The following ZNF367 variants were observed in gnomAD, a reference collection of about 807,000 sequenced individuals.
ZNF367 encodes C2H2 zinc finger protein ZFF29.
In ZNF367, 11 loss-of-function variants were observed where a neutral mutation model predicts 31.8. The observed-to-expected ratio is 0.35, with a 90% CI of 0.22 to 0.57. The LOEUF (loss-of-function observed/expected upper bound fraction) is 0.57, where lower values mean the gene tolerates loss of function less well. ZNF367 is among the 20% of genes least tolerant of loss of function. The pLI, the probability that ZNF367 is intolerant of heterozygous loss-of-function variation, is 0.85. For missense variants in ZNF367, 353 were observed against 484.1 expected, an observed-to-expected ratio of 0.73 and a Z score of 2.54; for synonymous variants, 199 against 202.4, an observed-to-expected ratio of 0.98 and a Z score of 0.14.
At position 96,398,638 on chromosome 9, in the gene ZNF367, T is replaced by A. The variant is rs1197727618; in HGVS notation, c.421-324A>T. Among the ~76,000 whole-genome samples the A allele has an allele frequency of 3.3e-5, 5 of 152,126 alleles. 1 individual carries two copies. The highest frequency in any genetic ancestry group is 6.5e-5 in the Admixed American group (1 of 15,270). ...AAAAAATCAAGCAAAAACTGTCAGA[T>A]CAGCTTTGTCACAACTCCAGAAAAT... On this transcript the variant is annotated intron_variant, in intron 1 of 4. Transcript: ENST00000375256.
chr9:96,393,499 C>T lies in ZNF367; in HGVS notation c.692-963G>A, dbSNP rs369441496. Among the ~76,000 whole-genome samples, 312 of 151,082 alleles carry T rather than the reference C, an allele frequency of 2.1e-3. 11 individuals are homozygous for T. In the South Asian group the frequency reaches 0.063, roughly 30 times the overall value. ...TCGTGCCACTGTACTCCAGCCTGGG[C>T]GAAAAGTGAGACTCCATCTCAAAAC... On this transcript the variant is annotated intron_variant, in intron 3 of 4. Transcript: ENST00000375256.
rs1164672366 is a variant in ZNF367 at position 96,418,267 on chromosome 9, C to G, written c.-235G>C. On this transcript the variant is annotated 5_prime_UTR_variant, in exon 1 of 5. Transcript: ENST00000375256. ...CCTCCGCTCTTTGTACTCCGCAGCG[C>G]AGGCTGCAGGGGTGGGAAGCAGCGG... is the stretch of plus-strand genomic sequence containing the variant. 2.0e-6 allele frequency: 1 copy of G among 505,988 alleles called. No individual in the cohort carries two copies. The highest frequency in any genetic ancestry group is 2.0e-5 in the African/African-American group (1 of 50,634). The allele number at this position is 505,988 out of a possible 1,614,324, so 31.3% of individuals were successfully genotyped here.
At chr9:96,403,963 G>A (rs1457513387) in intron 1 of ZNF367, among the ~76,000 whole-genome samples, 1 of 152,146 alleles carries the variant, frequency 6.6e-6, no homozygotes, top group Non-Finnish European at 1.5e-5. Flanking sequence ...GGAGGCCAAG[G>A]TGGGTGGATT....
intron 1 of ZNF367, chr9:96,407,203 G>A (rs1831681598): frequency 1.4e-6 from 1 of 722,086 alleles, no homozygotes; most frequent in Non-Finnish European, 2.5e-6. Flanking sequence ...CGTGGCGTGG[G>A]CTTGTGGGTC....
intron 1 of ZNF367, among the ~76,000 whole-genome samples, chr9:96,414,768 G>A (rs1831796542): frequency 6.6e-6 from 1 of 151,938 alleles, no homozygotes. Flanking sequence ...GAGCCTCCGC[G>A]CCTGGCCACA....
chr9:96,404,314 G>A (rs1344804690), intron 1 of ZNF367, among the ~76,000 whole-genome samples: 1 of 152,020 alleles, frequency 6.6e-6, no homozygotes, highest in East Asian at 1.9e-4. Flanking sequence ...CAAAAACTTG[G>A]CCAGGCGCAG....
rs1831860359 is a variant in ZNF367 at position 96,418,070 on chromosome 9, G to A, written c.-38C>T. The A allele has an allele frequency of 3.0e-6, 4 of 1,337,248 alleles. No individual in the cohort carries two copies. Among genetic ancestry groups the A allele is most frequent in the Non-Finnish European group, 3.8e-6 (4 of 1,047,770 alleles). The allele number at this position is 1,337,248 out of a possible 1,614,324, so 82.8% of individuals were successfully genotyped here. ...CCCCCAGCTCCGGCGGCCCCGGGCC[G>A]CACTCCTGAGCACCGCTCTGCCCCT... On this transcript the variant is annotated 5_prime_UTR_variant, in exon 1 of 5. Transcript: ENST00000375256.
At chr9:96,401,090 G>T (rs1397149440) in intron 1 of ZNF367, among the ~76,000 whole-genome samples, 1 of 152,216 alleles carries the variant, frequency 6.6e-6, no homozygotes, top group South Asian at 2.1e-4. Flanking sequence ...TCCAAGTGTG[G>T]GGGTACACGC....
chr9:96,410,430 C>G (rs567823153), intron 1 of ZNF367, among the ~76,000 whole-genome samples: 1 of 147,976 alleles, frequency 6.8e-6, no homozygotes, highest in Non-Finnish European at 1.5e-5. Context: ...GGCGTGGTGG[C>G]GGGTGCCTGT....
At chr9:96,407,493 A>C in intron 1 of ZNF367, 1 of 1,291,092 alleles carries the variant, frequency 7.7e-7, no homozygotes, top group Non-Finnish European at 1.1e-6. Context: ...AGATGCATGA[A>C]AAGAAAAACA....
At chr9:96,416,271 A>G (rs1831829773) in intron 1 of ZNF367, among the ~76,000 whole-genome samples, 1 of 151,786 alleles carries the variant, frequency 6.6e-6, no homozygotes, top group Non-Finnish European at 1.5e-5. Context: ...TATTTTGAGT[A>G]AAGACGGGGT....
In ZNF367 at chr9:96,417,435, A is replaced by AG. The variant is rs1831846237; in HGVS notation, c.420+177dup. 1.9e-5 allele frequency among the ~76,000 whole-genome samples: 1 copy of AG among 53,906 alleles called. No homozygotes were observed. The highest frequency in any genetic ancestry group is 2.2e-4 in the African/African-American group (1 of 4,632). The allele number at this position is 53,906 out of a possible 152,430, so 35.4% of individuals were successfully genotyped here. A position where few individuals can be genotyped will look rare whatever the true frequency, so the allele number is the denominator to read the frequency against. On this transcript the variant is annotated intron_variant, in intron 1 of 4. Transcript: ENST00000375256. This position sits in a 1 kb window ranked among gnomAD's most constrained non-coding sequence, Gnocchi z 5.0. Reference sequence around the variant, plus strand: ...GCGCCGCTCCCGCCTGTCACGTGACAGGCCCCCCCCGACTGGGGCCGGTTT... The same window carrying AG: ...GCGCCGCTCCCGCCTGTCACGTGACAGGGCCCCCCCCGACTGGGGCCGGTTT...
intron 3 of ZNF367, among the ~76,000 whole-genome samples, chr9:96,393,688 G>A (rs1258745952): frequency 6.6e-6 from 1 of 151,990 alleles, no homozygotes; most frequent in Non-Finnish European, 1.5e-5. Flanking sequence ...AAAATTAACT[G>A]GGTATGGTCG....
intron 2 of ZNF367, among the ~76,000 whole-genome samples, chr9:96,395,892 C>T (rs1376774093): frequency 6.6e-6 from 1 of 151,976 alleles, no homozygotes; most frequent in Non-Finnish European, 1.5e-5. Context: ...TTGAAAAAAA[C>T]ATTATTTAAT....
At chr9:96,397,867 G>A (rs985509660) in intron 2 of ZNF367, among the ~76,000 whole-genome samples, 13 of 151,864 alleles carry the variant, frequency 8.6e-5, no homozygotes, top group Non-Finnish European at 1.5e-4. Context: ...CGAGGCAGGC[G>A]GATCACAAGG....
At chr9:96,396,942 C>T (rs1322168638) in intron 2 of ZNF367, among the ~76,000 whole-genome samples, 1 of 152,176 alleles carries the variant, frequency 6.6e-6, no homozygotes, top group Non-Finnish European at 1.5e-5. Flanking sequence ...GCTGGGATTA[C>T]AGGCGTCAGC....
At chr9:96,408,061 G>C (rs1446351000) in intron 1 of ZNF367, among the ~76,000 whole-genome samples, 2 of 152,076 alleles carry the variant, frequency 1.3e-5, no homozygotes, top group Non-Finnish European at 2.9e-5. Context: ...CGGGCCTGTC[G>C]CGGGGTGGCG....
rs1424441196 is a variant in ZNF367, at chr9:96,417,172, T to C, written c.420+441A>G. On this transcript the variant is annotated intron_variant, in intron 1 of 4. Coordinates refer to ENST00000375256, the MANE Select transcript of ZNF367 (RefSeq NM_153695.4). The surrounding 1 kb of genome is among the most constrained non-coding windows in gnomAD (Gnocchi z 5.0). ...GAAGTCCTTTCTTGCTCTTCGGCTG[T>C]CTCTGCAGGGCATCTTTTAACAGGG... Among the ~76,000 whole-genome samples the C allele has an allele frequency of 2.0e-5, 3 of 152,162 alleles. No homozygotes were observed. The highest frequency in any genetic ancestry group is 2.9e-5 in the Non-Finnish European group (2 of 68,028).
At chr9:96,412,129 C>T (rs1831758458) in intron 1 of ZNF367, among the ~76,000 whole-genome samples, 1 of 152,178 alleles carries the variant, frequency 6.6e-6, no homozygotes, top group South Asian at 2.1e-4. Context: ...GGACCCTCTT[C>T]CTTTTGGCCT....
Sources: gnomAD v4.1 joint callset for allele counts (sites outside exome capture counted in the v4.1 genomes callset) on GRCh38, gnomAD v4.1.1 for gene constraint, Gnocchi (gnomAD v3.1) non-coding constraint, MANE v1.5 for transcripts, NCBI Gene and HGNC (gene_info 2026-07-23, HGNC 2026-07-21) for gene names.